Variants in PIP5K1B observed in about 807,000 individuals in gnomAD.
PIP5K1B encodes phosphatidylinositol 4-phosphate 5-kinase type-1 beta.
Under a neutral mutation model 67.0 loss-of-function variants are expected in PIP5K1B, and 42 were observed. That is an observed-to-expected ratio of 0.63 (90% CI 0.49 to 0.81). The LOEUF (loss-of-function observed/expected upper bound fraction) is 0.81. PIP5K1B is among the 30% of genes least tolerant of loss of function. PIP5K1B has a pLI of 0.00. For synonymous variants in PIP5K1B, 214 were observed against 231.4 expected, an observed-to-expected ratio of 0.92 and a Z score of 0.68; for missense variants, 459 against 646.3, an observed-to-expected ratio of 0.71 and a Z score of 3.14.
At chr9:68,918,144 C>T (rs1225129215) in intron 9 of PIP5K1B, among the ~76,000 whole-genome samples, 1 of 147,968 alleles carries the variant, frequency 6.8e-6, no homozygotes, top group African/African-American at 2.5e-5. Context: ...GGCTAGAGGG[C>T]AGTGGTGCCA....
intron 2 of PIP5K1B, among the ~76,000 whole-genome samples, chr9:68,754,175 C>CTTTTT (rs71353081): frequency 9.9e-6 from 1 of 101,076 alleles, no homozygotes; most frequent in South Asian, 3.4e-4. Context: ...TCCATGATTT[C>CTTTTT]TTTTTTTTTT....
intron 4 of PIP5K1B, among the ~76,000 whole-genome samples, chr9:68,844,849 C>A (rs2132170728): frequency 6.6e-6 from 1 of 152,228 alleles, no homozygotes; most frequent in South Asian, 2.1e-4. Context: ...ACTGCCTGTT[C>A]TCCTTTCTCA....
chr9:68,807,356 T>C (rs1832925876), intron 2 of PIP5K1B, among the ~76,000 whole-genome samples: 1 of 152,234 alleles, frequency 6.6e-6, no homozygotes, highest in Non-Finnish European at 1.5e-5. Flanking sequence ...AGAAAGGCTT[T>C]TAAAAATTTT....
At chr9:68,798,539 G>A (rs76918879) in intron 2 of PIP5K1B, among the ~76,000 whole-genome samples, 2 of 152,232 alleles carry the variant, frequency 1.3e-5, no homozygotes, top group East Asian at 3.9e-4. Flanking sequence ...GGGTAGAGTG[G>A]CCAGGGAGAA....
intron 4 of PIP5K1B, chr9:68,824,182 G>T (rs375302481): frequency 9.6e-6 from 5 of 518,846 alleles, no homozygotes; most frequent in Non-Finnish European, 1.5e-5. Context: ...AGATGATTAC[G>T]TTGCTAGCCT....
intron 6 of PIP5K1B, 38 bp downstream of exon 6, chr9:68,876,832 T>G: frequency 9.8e-7 from 1 of 1,021,944 alleles, no homozygotes; most frequent in Non-Finnish European, 1.6e-6. Context: ...TATAGAAATG[T>G]GTGATGTAAA....
rs775706186 is a variant in PIP5K1B at position 68,824,130 on chromosome 9, C to T, written c.69+1447C>T. 14 of 518,664 alleles carry T rather than the reference C, an allele frequency of 2.7e-5. No individual in the cohort carries two copies. The East Asian group carries it at 7.1e-4, about 26-fold the overall frequency. The allele number at this position is 518,664 out of a possible 1,614,324, so 32.1% of individuals were successfully genotyped here. ...AAAAACCAAATCCTGTCTCGTTTAC[C>T]CAAGATTCCGTGTACATTCATTCAA... is the stretch of plus-strand genomic sequence containing the variant. On this transcript the variant is annotated intron_variant, in intron 4 of 15. Coordinates refer to ENST00000265382, the MANE Select transcript of PIP5K1B (RefSeq NM_003558.4).
At position 68,992,839 on chromosome 9, in the gene PIP5K1B, CAAAAAAAAAAAAAAAAAAAA is replaced by C. The variant is rs201517701; in HGVS notation, c.1620+1595_1620+1614del. Among the ~76,000 whole-genome samples the C allele has an allele frequency of 6.9e-5, 4 of 57,556 alleles. No individual in the cohort carries two copies. The South Asian group carries it at 1.9e-3, about 27-fold the overall frequency. The allele number at this position is 57,556 out of a possible 152,430, so 37.8% of individuals were successfully genotyped here. On this transcript the variant is annotated intron_variant, in intron 15 of 15. Transcript: ENST00000265382. Reference sequence around the variant, plus strand: ...TAGGCAACAGAGCATGACCCTGTCTCAAAAAAAAAAAAAAAAAAAAAAAAAAAAAAAAGTCCTGGCTGGGC... The same window carrying C: ...TAGGCAACAGAGCATGACCCTGTCTCAAAAAAAAAAAAGTCCTGGCTGGGC...
At chr9:68,915,328 G>A (rs993814466) in intron 8 of PIP5K1B, among the ~76,000 whole-genome samples, 1 of 152,032 alleles carries the variant, frequency 6.6e-6, no homozygotes, top group African/African-American at 2.4e-5. Flanking sequence ...AAGCTGTCTC[G>A]GGGGGTACTG....
chr9:68,829,683 G>A (rs1305791166), intron 4 of PIP5K1B, among the ~76,000 whole-genome samples: 4 of 152,118 alleles, frequency 2.6e-5, no homozygotes, highest in African/African-American at 9.7e-5. Flanking sequence ...TCCAGATACT[G>A]GTTGATAACT....
At chr9:68,983,706 G>T (rs1316607985) in intron 14 of PIP5K1B, among the ~76,000 whole-genome samples, 1 of 152,140 alleles carries the variant, frequency 6.6e-6, no homozygotes, top group Non-Finnish European at 1.5e-5. Context: ...GGCCTGTGTG[G>T]CTTGTTGCAA....
At chr9:68,812,786 A>G (rs923211539) in intron 2 of PIP5K1B, among the ~76,000 whole-genome samples, 11 of 152,242 alleles carry the variant, frequency 7.2e-5, no homozygotes, top group Admixed American at 2.0e-4. Flanking sequence ...GAGATAACCT[A>G]AATTCTATTT....
intron 2 of PIP5K1B, among the ~76,000 whole-genome samples, chr9:68,795,071 C>A (rs1832211643): frequency 6.6e-6 from 1 of 152,172 alleles, no homozygotes; most frequent in South Asian, 2.1e-4. Context: ...TCCTCTGATC[C>A]TTCCGGCTCT....
chr9:68,829,836 T>A (rs1299435146), intron 4 of PIP5K1B, among the ~76,000 whole-genome samples: 1 of 152,222 alleles, frequency 6.6e-6, no homozygotes, highest in Non-Finnish European at 1.5e-5. Flanking sequence ...AAAAGTAGCA[T>A]ACTAATGAGT....
chr9:68,859,214 G>A (rs1190886085), intron 4 of PIP5K1B, among the ~76,000 whole-genome samples: 1 of 152,212 alleles, frequency 6.6e-6, no homozygotes, highest in East Asian at 1.9e-4. Flanking sequence ...ATCGTTAAAA[G>A]ACAGTGCTTT....
intron 4 of PIP5K1B, among the ~76,000 whole-genome samples, chr9:68,830,661 A>G (rs1216173127): frequency 6.6e-6 from 1 of 152,138 alleles, no homozygotes; most frequent in Non-Finnish European, 1.5e-5. Context: ...TTCTACACCC[A>G]AAACTTCCTG....
At chr9:68,786,914 A>C (rs1006363000) in intron 2 of PIP5K1B, among the ~76,000 whole-genome samples, 22 of 152,152 alleles carry the variant, frequency 1.4e-4, no homozygotes, top group Non-Finnish European at 1.9e-4. Flanking sequence ...AGAGTTTCCA[A>C]CCGGAAGGTT....
At chr9:68,989,451 G>A (rs908595644) in intron 14 of PIP5K1B, among the ~76,000 whole-genome samples, 2 of 152,076 alleles carry the variant, frequency 1.3e-5, no homozygotes, top group Admixed American at 1.3e-4. Context: ...ACCACCCAGG[G>A]AAGACCATAG....
chr9:68,834,195 T>C (rs1487290168), intron 4 of PIP5K1B, among the ~76,000 whole-genome samples: 1 of 152,224 alleles, frequency 6.6e-6, no homozygotes, highest in Admixed American at 6.5e-5. Context: ...GCCATCCCCA[T>C]TGGGTGGGTC....
Sources: gnomAD v4.1 joint callset for allele counts (sites outside exome capture counted in the v4.1 genomes callset) on GRCh38, gnomAD v4.1.1 for gene constraint, MANE v1.5 for transcripts, NCBI Gene and HGNC (gene_info 2026-07-23, HGNC 2026-07-21) for gene names.